AGBL1: variants seen among roughly 807,000 people sequenced by gnomAD.
AGBL1 encodes the protein cytosolic carboxypeptidase 4.
AGBL1 carries 130 observed loss-of-function variants against 118.9 expected under a neutral mutation model. That is an observed-to-expected ratio of 1.09 (90% CI 0.95 to 1.26). AGBL1 has a LOEUF of 1.26. Among genes scored for constraint, AGBL1 ranks in the 50% most tolerant of loss-of-function variants. The pLI is 0.00. For missense variants in AGBL1, 1,584 were observed against 1,298.1 expected, an observed-to-expected ratio of 1.22 and a Z score of -3.38; for synonymous variants, 555 against 478.9, an observed-to-expected ratio of 1.16 and a Z score of -2.08.
At chr15:86,398,394 T>A (rs2081398462) in intron 18 of AGBL1, among the ~76,000 whole-genome samples, 1 of 151,974 alleles carries the variant, frequency 6.6e-6, no homozygotes, top group African/African-American at 2.4e-5. Context: ...TGGTAATAGA[T>A]GAATAGGAAT....
At chr15:86,716,477 T>G (rs2086640301) in intron 22 of AGBL1, among the ~76,000 whole-genome samples, 1 of 152,200 alleles carries the variant, frequency 6.6e-6, no homozygotes, top group Non-Finnish European at 1.5e-5. Flanking sequence ...GAGCTAAATG[T>G]GTCATTGGTA....
At chr15:86,777,987 G>C (rs1266577216) in intron 22 of AGBL1, among the ~76,000 whole-genome samples, 2 of 152,024 alleles carry the variant, frequency 1.3e-5, no homozygotes, top group Non-Finnish European at 2.9e-5. Flanking sequence ...ATTTCATGTA[G>C]GTTCTTTTCT....
rs1188150229 is a variant in AGBL1, at chr15:86,914,244, C to T, written c.*6950C>T. The T allele has an allele frequency of 6.6e-6, 1 of 152,110 alleles. No homozygotes were observed. Among genetic ancestry groups the T allele is most frequent in the African/African-American group, 2.4e-5 (1 of 41,416 alleles). The allele number at this position is 152,110 out of a possible 1,614,324, so 9.4% of individuals were successfully genotyped here. A position where few individuals can be genotyped will look rare whatever the true frequency, so the allele number is the denominator to read the frequency against. ...TAGAAGACTATCAACCAGACCCCAC[C>T]CACACTTCATTCTGAAGAGGAAGTT... On this transcript the variant is annotated 3_prime_UTR_variant, in exon 23 of 23. Coordinates refer to ENST00000614907, the MANE Select transcript of AGBL1 (RefSeq NM_001386094.1).
intron 17 of AGBL1, among the ~76,000 whole-genome samples, chr15:86,298,246 A>ATATATATATATATATATAT (rs1555462936): frequency 1.9e-4 from 13 of 69,806 alleles, no homozygotes; most frequent in African/African-American, 8.5e-4. Context: ...GTCTGTGTAT[A>ATATATATATATATATATAT]ATATATATAT....
chr15:86,660,279 A>G lies in AGBL1; in HGVS notation c.2995-13994A>G, dbSNP rs185279729. On this transcript the variant is annotated intron_variant, in intron 21 of 22. Coordinates refer to ENST00000614907, the MANE Select transcript of AGBL1 (RefSeq NM_001386094.1). ...TGACACTGGGCAGAGAGACATATTC[A>G]TTGTCAAACTGCTCAGGTCCTAGAC... is the stretch of plus-strand genomic sequence containing the variant. Among the ~76,000 whole-genome samples, 10 of 152,168 alleles carry G rather than the reference A, an allele frequency of 6.6e-5. No individual in the cohort carries two copies. In the East Asian group the frequency reaches 1.5e-3, roughly 24 times the overall value.
chr15:86,722,943 A>T (rs1325417768), intron 22 of AGBL1, among the ~76,000 whole-genome samples: 1 of 152,194 alleles, frequency 6.6e-6, no homozygotes, highest in African/African-American at 2.4e-5. Flanking sequence ...GCAAATCAAA[A>T]CCACAATGAG....
intron 18 of AGBL1, among the ~76,000 whole-genome samples, chr15:86,472,119 G>A (rs2082487191): frequency 6.6e-6 from 1 of 152,192 alleles, no homozygotes; most frequent in Non-Finnish European, 1.5e-5. Flanking sequence ...GAGTTTGGAA[G>A]GAGGCTGGTA....
In AGBL1 at chr15:86,538,981, G is replaced by A. The variant is rs540248304; in HGVS notation, c.2686-7021G>A. Among the ~76,000 whole-genome samples, 8 of 152,290 alleles carry A rather than the reference G, an allele frequency of 5.3e-5. No individual in the cohort carries two copies. The East Asian group carries it at 1.2e-3, about 22-fold the overall frequency. The stretch of plus-strand genomic sequence containing the variant: ...ATCTGGTCCTCATCAGCTTCTTTGC[G>A]GAGCAAGAAATCATGGAACTCATGT... On this transcript the variant is annotated intron_variant, in intron 19 of 22. Transcript: ENST00000614907.
At chr15:86,728,418 CA>C in intron 22 of AGBL1, among the ~76,000 whole-genome samples, 1 of 152,172 alleles carries the variant, frequency 6.6e-6, no homozygotes, top group Non-Finnish European at 1.5e-5. Flanking sequence ...AGCCTGTCCA[CA>C]ACTGCCCAGG....
chr15:86,474,045 T>C (rs1407367048), intron 18 of AGBL1, among the ~76,000 whole-genome samples: 3 of 152,106 alleles, frequency 2.0e-5, no homozygotes, highest in Admixed American at 1.3e-4. Context: ...TTTTAATGAG[T>C]AGATTTTGGC....
At chr15:86,441,168 T>C (rs981985647) in intron 18 of AGBL1, among the ~76,000 whole-genome samples, 2 of 152,232 alleles carry the variant, frequency 1.3e-5, no homozygotes, top group Non-Finnish European at 2.9e-5. Flanking sequence ...GTGTGGTTAT[T>C]GTGCCACGTG....
At chr15:86,306,867 G>T (rs2079849846) in intron 17 of AGBL1, among the ~76,000 whole-genome samples, 1 of 152,066 alleles carries the variant, frequency 6.6e-6, no homozygotes, top group Admixed American at 6.6e-5. Flanking sequence ...TTTAACTGTG[G>T]TAAGATGATA....
chr15:86,544,113 G>A (rs2083544208), intron 19 of AGBL1, among the ~76,000 whole-genome samples: 3 of 152,168 alleles, frequency 2.0e-5, no homozygotes, highest in South Asian at 4.1e-4. Context: ...AGCTTTTGTT[G>A]TATAATAAAC....
intron 18 of AGBL1, among the ~76,000 whole-genome samples, chr15:86,499,915 A>G (rs901056934): frequency 2.6e-5 from 4 of 151,846 alleles, no homozygotes; most frequent in African/African-American, 9.7e-5. Flanking sequence ...AGTGAGATCA[A>G]ATTAACTAAC....
At chr15:86,401,490 T>A (rs1461698389) in intron 18 of AGBL1, among the ~76,000 whole-genome samples, 1 of 152,122 alleles carries the variant, frequency 6.6e-6, no homozygotes, top group Non-Finnish European at 1.5e-5. Context: ...GTTGTTGCAT[T>A]TGCTTTTGGA....
chr15:86,649,865 A>G lies in AGBL1; in HGVS notation c.2995-24408A>G, dbSNP rs2085342055. The stretch of plus-strand genomic sequence containing the variant: ...TATTTTTACTTTTGTAAATCTACCT[A>G]ATTGTATTGTCCTTTAAAACTACAT... On this transcript the variant is annotated intron_variant, in intron 21 of 22. Coordinates refer to ENST00000614907, the MANE Select transcript of AGBL1 (RefSeq NM_001386094.1). 4.0e-5 allele frequency among the ~76,000 whole-genome samples: 6 copies of G among 151,868 alleles called. No individual in the cohort carries two copies. The South Asian group carries it at 1.0e-3, about 26-fold the overall frequency.
At chr15:86,382,533 C>A (rs763323892) in intron 17 of AGBL1, among the ~76,000 whole-genome samples, 2 of 151,922 alleles carry the variant, frequency 1.3e-5, no homozygotes, top group African/African-American at 2.4e-5. Context: ...TACATTTAAA[C>A]GGCTTAAACG....
At chr15:86,349,884 T>C (rs1453187081) in intron 17 of AGBL1, among the ~76,000 whole-genome samples, 4 of 152,230 alleles carry the variant, frequency 2.6e-5, no homozygotes, top group Non-Finnish European at 5.9e-5. Context: ...AACTCACATG[T>C]TCTCTCTGAA....
intron 21 of AGBL1, among the ~76,000 whole-genome samples, chr15:86,633,250 G>T (rs2085007683): frequency 6.6e-6 from 1 of 152,166 alleles, no homozygotes; most frequent in African/African-American, 2.4e-5. Context: ...TTAGGTGAAT[G>T]TTAGCTTTTA....
Sources: allele counts gnomAD v4.1 joint callset (sites outside exome capture counted in the v4.1 genomes callset), GRCh38; gene constraint gnomAD v4.1.1; transcripts MANE v1.5; gene names NCBI Gene and HGNC (gene_info 2026-07-23, HGNC 2026-07-21).